Variants in NFX1 observed in about 807,000 individuals in gnomAD.
NFX1 encodes the protein nuclear transcription factor, X-box binding 1.
A neutral mutation model predicts 137.2 loss-of-function variants in NFX1; 69 were observed. That is an observed-to-expected ratio of 0.50 (90% confidence interval 0.41 to 0.61). The LOEUF (loss-of-function observed/expected upper bound fraction) is 0.61, where lower values mean the gene tolerates loss of function less well. Ranked by LOEUF, NFX1 falls within the 20% of genes least tolerant of loss-of-function variation. NFX1 has a pLI of 0.00. For synonymous variants in NFX1, 495 were observed against 474.1 expected (o/e 1.04, Z -0.57); for missense variants, 1,167 against 1,391.0 (o/e 0.84, Z 2.56).
In NFX1 at chr9:33,313,796, A is replaced by G; in HGVS notation, c.1588+3A>G. ...TTGCCAGATCATTTTGAACCAGGGT[A>G]AGTGGTGGGCACACCAGCTAGCAAT... On this transcript the variant is annotated splice_donor_region_variant and intron_variant, in intron 7 of 23. Transcript: ENST00000379540. The G allele has an allele frequency of 6.2e-7, 1 of 1,612,772 alleles. No individual in the cohort carries two copies. The highest frequency in any genetic ancestry group is 8.5e-7 in the Non-Finnish European group (1 of 1,179,072).
chr9:33,291,410 A>G (rs1821156105), intron 1 of NFX1, among the ~76,000 whole-genome samples: 1 of 152,242 alleles, frequency 6.6e-6, no homozygotes, highest in Non-Finnish European at 1.5e-5. Context: ...TCGTTTAAAA[A>G]TATGTCACAG....
rs907933979 is a variant in NFX1, at chr9:33,290,671, C to A, written c.25+74C>A. ...TTGGGTCAGTGACGAAGTTCTAGGG[C>A]CTCAGCCACTCATATCGCGAGAGTA... On this transcript the variant is annotated intron_variant, in intron 1 of 23. Transcript: ENST00000379540. The A allele has an allele frequency of 4.1e-6, 6 of 1,456,094 alleles. No individual in the cohort carries two copies. The African/African-American group carries it at 7.1e-5, about 17-fold the overall frequency. 90.2% of individuals were successfully genotyped at this position (1,456,094 alleles called of 1,614,324 possible).
chr9:33,325,134 C>T (rs1420924997), intron 9 of NFX1, among the ~76,000 whole-genome samples: 1 of 152,002 alleles, frequency 6.6e-6, no homozygotes, highest in East Asian at 1.9e-4. Context: ...TTGAAAAACA[C>T]TACACATCCA....
At chr9:33,322,925 T>C (rs2118420308) in intron 9 of NFX1, among the ~76,000 whole-genome samples, 1 of 152,308 alleles carries the variant, frequency 6.6e-6, no homozygotes, top group East Asian at 1.9e-4. Flanking sequence ...GGAGCCCTCT[T>C]CAGGTCAGAA....
intron 11 of NFX1, among the ~76,000 whole-genome samples, chr9:33,338,180 C>G (rs1409149496): frequency 6.6e-6 from 1 of 151,802 alleles, no homozygotes; most frequent in Non-Finnish European, 1.5e-5. Flanking sequence ...CATGGTGAAA[C>G]CCTGCCTCTA....
chr9:33,310,521 A>T (rs960109473), intron 5 of NFX1, among the ~76,000 whole-genome samples: 5 of 152,192 alleles, frequency 3.3e-5, no homozygotes, highest in African/African-American at 4.8e-5. Context: ...GACCTATAGC[A>T]TATCACTCAG....
intron 2 of NFX1, among the ~76,000 whole-genome samples, chr9:33,299,406 G>A (rs1821471569): frequency 6.6e-6 from 1 of 152,004 alleles, no homozygotes; most frequent in Non-Finnish European, 1.5e-5. Flanking sequence ...GAAGATTTTT[G>A]TTTAATTTGG....
chr9:33,368,967 CATG>C (rs1406429621), intron 23 of NFX1, among the ~76,000 whole-genome samples: 1 of 152,230 alleles, frequency 6.6e-6, no homozygotes, highest in Non-Finnish European at 1.5e-5. Flanking sequence ...ACTTTGGAAA[CATG>C]AGGGGTTTTC....
At chr9:33,354,568 T>C (rs1823750795) in intron 18 of NFX1, among the ~76,000 whole-genome samples, 1 of 152,120 alleles carries the variant, frequency 6.6e-6, no homozygotes, top group Non-Finnish European at 1.5e-5. Context: ...ACTGGAGGAC[T>C]CCTAGACCCC....
At chr9:33,325,513 A>C (rs1193956739) in intron 9 of NFX1, among the ~76,000 whole-genome samples, 1 of 152,014 alleles carries the variant, frequency 6.6e-6, no homozygotes, top group Non-Finnish European at 1.5e-5. Flanking sequence ...AAATACAAAA[A>C]ATTAGCCGGG....
Position 33,294,778 on chromosome 9 carries a change from C to T in NFX1, c.384C>T (p.Thr128=), listed in dbSNP as rs753005658. Residue 128 remains threonine, a synonymous_variant, in exon 2 of 24, where the codon ACC becomes ACT. Coordinates refer to ENST00000379540, the MANE Select transcript of NFX1 (RefSeq NM_002504.6). ...VKKAQSLAEQ[T]SDTAGLESST... ...AAGCACAGAGTCTTGCTGAGCAGAC[C>T]TCAGATACAGCTGGATTAGAGAGCT... 4 of 1,614,036 alleles carry T rather than the reference C, an allele frequency of 2.5e-6. No individual in the cohort carries two copies. The highest frequency in any genetic ancestry group is 3.4e-6 in the Non-Finnish European group (4 of 1,180,022).
At chr9:33,361,513 C>CCGTA (rs1232422397) in intron 19 of NFX1, among the ~76,000 whole-genome samples, 16 of 152,018 alleles carry the variant, frequency 1.1e-4, no homozygotes, top group Admixed American at 1.0e-3. Context: ...TGGCTCACAC[C>CCGTA]CGTAATCCCA....
In NFX1 at chr9:33,294,444, C is replaced by A. The variant is rs1821270629; in HGVS notation, c.50C>A (p.Ala17Asp). The A allele has an allele frequency of 6.3e-7, 1 of 1,588,796 alleles. No homozygotes were observed. The highest frequency in any genetic ancestry group is 8.5e-7 in the Non-Finnish European group (1 of 1,170,018). ...VSGTFKFNTD[A>D]AEFIPQEKKN... is the part of the protein sequence containing the mutation. ...GGTACTTTTAAATTCAATACAGATG[C>A]TGCTGAATTCATTCCTCAGGAGAAA... is the stretch of plus-strand genomic sequence containing the variant. Residue 17 changes from alanine to aspartate, a missense_variant, in exon 2 of 24, where the codon GCT becomes GAT. Transcript: ENST00000379540.
rs74348137 is a variant in NFX1 at position 33,301,244 on chromosome 9, T to G, written c.1034-19T>G. 2,828 of 1,607,456 alleles carry G rather than the reference T, an allele frequency of 1.8e-3. 20 individuals are homozygous for G. Among genetic ancestry groups the G allele is most frequent in the African/African-American group, 0.018 (1,312 of 74,608 alleles). On this transcript the variant is annotated intron_variant, in intron 2 of 23. Transcript: ENST00000379540. ...TTGTGTTTGAGTTAATCTTTTTTGTTATTTTGTTTTTTAAACAGGTTCTCT... is the reference window on the plus strand; with the variant it reads ...TTGTGTTTGAGTTAATCTTTTTTGTGATTTTGTTTTTTAAACAGGTTCTCT...
chr9:33,335,284 G>A (rs1243897391), intron 11 of NFX1, among the ~76,000 whole-genome samples: 1 of 138,600 alleles, frequency 7.2e-6, no homozygotes, highest in Admixed American at 7.5e-5. Context: ...AGGCTGGAGT[G>A]CAGTGGCGCA....
intron 12 of NFX1, among the ~76,000 whole-genome samples, chr9:33,339,779 C>T (rs567020993): frequency 6.6e-6 from 1 of 152,250 alleles, no homozygotes; most frequent in African/African-American, 2.4e-5. Flanking sequence ...AGAAATTGGC[C>T]AAAACAAAGG....
intron 19 of NFX1, among the ~76,000 whole-genome samples, chr9:33,359,741 C>A (rs1004329172): frequency 6.6e-6 from 1 of 152,180 alleles, no homozygotes; most frequent in Non-Finnish European, 1.5e-5. Context: ...CAACAACTGA[C>A]AAACTTTCTG....
At chr9:33,360,126 T>G (rs561082067) in intron 19 of NFX1, among the ~76,000 whole-genome samples, 1 of 152,278 alleles carries the variant, frequency 6.6e-6, no homozygotes, top group African/African-American at 2.4e-5. Flanking sequence ...GAGTCCTAGG[T>G]ATTCAGAAAT....
chr9:33,293,278 G>A (rs752121359), intron 1 of NFX1, among the ~76,000 whole-genome samples: 2 of 152,128 alleles, frequency 1.3e-5, no homozygotes, highest in African/African-American at 4.8e-5. Context: ...AAGTGCTTAG[G>A]ATAGTGCCTG....
Sources: allele counts gnomAD v4.1 joint callset (sites outside exome capture counted in the v4.1 genomes callset), GRCh38; gene constraint gnomAD v4.1.1; transcripts MANE v1.5; gene names NCBI Gene and HGNC (gene_info 2026-07-23, HGNC 2026-07-21).